UBR4: variants seen among roughly 807,000 people sequenced by gnomAD.
UBR4 encodes the protein E3 ubiquitin-protein ligase UBR4.
Under a neutral mutation model 575.6 loss-of-function variants are expected in UBR4, and 124 were observed. That is an observed-to-expected ratio of 0.22 (90% CI 0.19 to 0.25). UBR4 has a LOEUF of 0.25. Ranked by LOEUF, UBR4 falls within the 10% of genes least tolerant of loss-of-function variation. UBR4 has a pLI of 1.00. For missense variants in UBR4, 4,818 were observed against 6,478.8 expected, an observed-to-expected ratio of 0.74 and a Z score of 8.80; for synonymous variants, 2,455 against 2,473.7, an observed-to-expected ratio of 0.99 and a Z score of 0.22.
chr1:19,134,995 A>T (rs957759673), intron 60 of UBR4, among the ~76,000 whole-genome samples: 14 of 152,174 alleles, frequency 9.2e-5, no homozygotes, highest in African/African-American at 3.4e-4. Flanking sequence ...TGTCCTATTC[A>T]ATAAATCTTT....
Position 19,092,916 on chromosome 1 carries a change from A to C in UBR4, c.14114T>G (p.Leu4705Trp). ...AAACTTTTTCCAGATGTCGGCATCC[A>C]AACTGCAAAGCAAAGGAAGGCTTAT... ...MKKHIPSAKN[L>W]DADIWKKFLS... Residue 4705 changes from leucine to tryptophan, a missense_variant and splice_region_variant, in exon 97 of 106, where the codon TTG becomes TGG. Physicochemically the swap from Leu to Trp is moderately conservative, Grantham distance 61. This residue lies in a region of UBR4 where 39 missense variants were observed against 37.5 expected (regional missense o/e 1.04). Transcript: ENST00000375254. The C allele has an allele frequency of 6.2e-7, 1 of 1,613,092 alleles. No homozygotes were observed. Among genetic ancestry groups the C allele is most frequent in the East Asian group, 2.2e-5 (1 of 44,868 alleles).
Position 19,149,826 on chromosome 1 carries a change from G to A in UBR4, c.7430+751C>T, listed in dbSNP as rs1337735800. 5 of 1,259,820 alleles carry A rather than the reference G, an allele frequency of 4.0e-6. No homozygotes were observed. The African/African-American group carries it at 4.8e-5, about 12-fold the overall frequency. 78.0% of individuals were successfully genotyped at this position (1,259,820 alleles called of 1,614,324 possible). A position where few individuals can be genotyped will look rare whatever the true frequency, so the allele number is the denominator to read the frequency against. ...GGGAGAAGCAAAGAAAAAAAAAAAA[G>A]GAAAAAAATGTGAAGCTCAGAGAAA... On this transcript the variant is annotated intron_variant, in intron 49 of 105. Coordinates refer to ENST00000375254, the MANE Select transcript of UBR4 (RefSeq NM_020765.3).
chr1:19,126,991 A>G (rs917971384), intron 63 of UBR4, among the ~76,000 whole-genome samples: 3 of 152,220 alleles, frequency 2.0e-5, no homozygotes, highest in African/African-American at 7.2e-5. Flanking sequence ...GCAACTAGAA[A>G]AGAAGCCCAA....
At position 19,156,757 on chromosome 1, in the gene UBR4, G is replaced by C; in HGVS notation, c.5919+10C>G. 7.4e-6 allele frequency: 12 copies of C among 1,611,108 alleles called. No individual in the cohort carries two copies. The highest frequency in any genetic ancestry group is 1.0e-5 in the Non-Finnish European group (12 of 1,177,706). The stretch of plus-strand genomic sequence containing the variant: ...GCTCAAGGCAATCAAACCTAGATCC[G>C]GATTTTTACCTTTAGCCCACAAACC... On this transcript the variant is annotated intron_variant, in intron 41 of 105. Coordinates refer to ENST00000375254, the MANE Select transcript of UBR4 (RefSeq NM_020765.3).
intron 81 of UBR4, among the ~76,000 whole-genome samples, chr1:19,109,290 G>C (rs1405717497): frequency 6.6e-6 from 1 of 152,350 alleles, no homozygotes; most frequent in East Asian, 1.9e-4. Flanking sequence ...ATACAAGCAA[G>C]TCAATCTGTG....
In UBR4 at chr1:19,097,300, G is replaced by C. The variant is rs1557560878; in HGVS notation, c.13303-20C>G. The C allele has an allele frequency of 1.2e-6, 2 of 1,609,180 alleles. No homozygotes were observed. Among genetic ancestry groups the C allele is most frequent in the Non-Finnish European group, 1.7e-6 (2 of 1,177,804 alleles). On this transcript the variant is annotated intron_variant, in intron 90 of 105. Coordinates refer to ENST00000375254, the MANE Select transcript of UBR4 (RefSeq NM_020765.3). ...CTCTCCCTGAGCAGAGAAAGTTGGA[G>C]AAAGGTACTTAAAAACAGGCCCAGA... is the stretch of plus-strand genomic sequence containing the variant.
In UBR4 at chr1:19,115,451, G is replaced by C. The variant is rs1305468868; in HGVS notation, c.11010C>G (p.Asn3670Lys). The change falls in exon 74 of 106, where the codon AAC becomes AAG. Residue 3670 changes from asparagine to lysine, a missense_variant. Asn to Lys is a moderately conservative substitution (Grantham distance 94, BLOSUM62 0). This residue lies in a region of UBR4 where 10 missense variants were observed against 65.4 expected (regional missense o/e 0.15). Coordinates refer to ENST00000375254, the MANE Select transcript of UBR4 (RefSeq NM_020765.3). ...CTCCACAGTTGCCACAGACTCCTGG[G>C]TTGGCAGGGACCGAGGCACTACAGC... ...CPRCSASVPA[N>K]PGVCGNCGEN... The C allele has an allele frequency of 6.2e-7, 1 of 1,614,092 alleles. No individual in the cohort carries two copies. The highest frequency in any genetic ancestry group is 1.3e-5 in the African/African-American group (1 of 74,924).
At position 19,184,130 on chromosome 1, in the gene UBR4, T is replaced by C; in HGVS notation, c.1984A>G (p.Met662Val). 1.9e-6 allele frequency: 3 copies of C among 1,614,104 alleles called. No individual in the cohort carries two copies. The highest frequency in any genetic ancestry group is 1.1e-5 in the South Asian group (1 of 91,086). ...SNILNFITSS[M>V]LNSRNNFIRN... is the part of the protein sequence containing the mutation. ...ATAAAATTGTTCCGAGAGTTCAGCA[T>C]GGAAGAGGTGATGAAGTTCAAAATG... Residue 662 changes from methionine (M) to valine (V), a missense_variant, in exon 16 of 106, where the codon ATG becomes GTG. Around this residue, in one of 29 missense-constraint regions of UBR4, gnomAD observed 1,172 missense variants for 1,259.7 expected, o/e 0.93. Transcript: ENST00000375254.
chr1:19,129,978 T>C (rs561152699), intron 60 of UBR4, among the ~76,000 whole-genome samples: 2 of 152,324 alleles, frequency 1.3e-5, no homozygotes, highest in East Asian at 3.9e-4. Context: ...TTACATATCT[T>C]AGCAGGTATC....
intron 71 of UBR4, chr1:19,118,178 A>G (rs1171920938): frequency 5.4e-6 from 2 of 373,556 alleles, no homozygotes; most frequent in Non-Finnish European, 9.7e-6. Flanking sequence ...AATTTGACTC[A>G]AGAGTCACAA....
At chr1:19,105,553 C>T (rs559457437) in intron 84 of UBR4, among the ~76,000 whole-genome samples, 180 bp downstream of exon 84, 296 of 152,340 alleles carry the variant, frequency 1.9e-3, no homozygotes, top group Middle Eastern at 6.8e-3. Flanking sequence ...CTAACACCCT[C>T]ACCACAACGA....
intron 17 of UBR4, among the ~76,000 whole-genome samples, chr1:19,179,829 T>A (rs755112234): frequency 7.9e-5 from 12 of 152,226 alleles, no homozygotes; most frequent in Non-Finnish European, 8.8e-5. Context: ...CTGAGCAGGA[T>A]GCCAATGGAA....
intron 8 of UBR4, among the ~76,000 whole-genome samples, chr1:19,194,558 T>C (rs2092331708): frequency 6.6e-6 from 1 of 152,104 alleles, no homozygotes; most frequent in Non-Finnish European, 1.5e-5. Flanking sequence ...TCTTAGCACT[T>C]TGGGAGGCCC....
rs1434225490 is a variant in UBR4 at position 19,161,820 on chromosome 1, C to T, written c.5027+7G>A. 3 of 1,614,242 alleles carry T rather than the reference C, an allele frequency of 1.9e-6. No individual in the cohort carries two copies. Among genetic ancestry groups the T allele is most frequent in the South Asian group, 2.2e-5 (2 of 91,088 alleles). On this transcript the variant is annotated splice_region_variant and intron_variant, in intron 36 of 105. Transcript: ENST00000375254. ...AATCTTCACCTTAAAGGAAGAACTA[C>T]CCTTACCAATGCTGGTTCATGAATT...
chr1:19,118,145 A>G (rs1195010318), intron 71 of UBR4: 1 of 446,714 alleles, frequency 2.2e-6, no homozygotes, highest in Non-Finnish European at 4.0e-6. Flanking sequence ...TCTATCCTTC[A>G]GAGGAATTCT....
At chr1:19,163,415 T>G (rs940483107) in intron 34 of UBR4, among the ~76,000 whole-genome samples, 1 of 152,242 alleles carries the variant, frequency 6.6e-6, no homozygotes, top group Non-Finnish European at 1.5e-5. Flanking sequence ...GAGGCTGTAT[T>G]TGGCCTTTTA....
chr1:19,119,759 T>C, intron 69 of UBR4, 58 bp from the exon 70 acceptor site: 1 of 1,569,938 alleles, frequency 6.4e-7, no homozygotes, highest in Non-Finnish European at 8.7e-7. Context: ...GGCACCTGTG[T>C]TTATCATTGA....
At chr1:19,185,365 T>A in intron 14 of UBR4, 79 bp from the exon 15 acceptor site, 1 of 1,390,428 alleles carries the variant, frequency 7.2e-7, no homozygotes, top group Non-Finnish European at 9.6e-7. Flanking sequence ...TAAAAGTACT[T>A]AAGTCAAAAG....
chr1:19,092,166 C>T (rs1334421611), intron 97 of UBR4, among the ~76,000 whole-genome samples: 2 of 152,032 alleles, frequency 1.3e-5, no homozygotes, highest in Non-Finnish European at 2.9e-5. Context: ...GATGAACCTG[C>T]CCTGCGTCCT....
Sources: gnomAD v4.1 joint callset for allele counts (sites outside exome capture counted in the v4.1 genomes callset) on GRCh38, gnomAD v4.1.1 for gene constraint, gnomAD v4.1.1 regional missense constraint, MANE v1.5 for transcripts, NCBI Gene and HGNC (gene_info 2026-07-23, HGNC 2026-07-21) for gene names.